The following UACA variants were observed in gnomAD, a reference collection of about 807,000 sequenced individuals.
UACA encodes nuclear membrane binding protein.
In UACA, 112 loss-of-function variants were observed where a neutral mutation model predicts 160.5. The observed-to-expected ratio is 0.70, with a 90% confidence interval of 0.60 to 0.82. The LOEUF (loss-of-function observed/expected upper bound fraction) is 0.82, where lower values mean the gene tolerates loss of function less well. UACA is among the 40% of genes least tolerant of loss of function. UACA has a pLI of 0.00. For synonymous variants in UACA, 557 were observed against 568.4 expected, an observed-to-expected ratio of 0.98 and a Z score of 0.29; for missense variants, 1,574 against 1,614.6, an observed-to-expected ratio of 0.97 and a Z score of 0.43.
intron 14 of UACA, 104 bp from the exon 15 acceptor site, chr15:70,671,195 G>A: frequency 2.5e-6 from 2 of 807,664 alleles, no homozygotes; most frequent in Non-Finnish European, 3.9e-6. Context: ...TAAAAGAGAA[G>A]CAAGAGGTAC....
chr15:70,762,136 T>A (rs1406737610), intron 1 of UACA, among the ~76,000 whole-genome samples: 1 of 152,188 alleles, frequency 6.6e-6, no homozygotes, highest in Non-Finnish European at 1.5e-5. Context: ...ATCAATTACG[T>A]CATCTGAATC....
chr15:70,715,263 A>G (rs1898791050), intron 1 of UACA, among the ~76,000 whole-genome samples: 1 of 152,146 alleles, frequency 6.6e-6, no homozygotes, highest in Non-Finnish European at 1.5e-5. Context: ...TTTAACAAAT[A>G]TTTTTGCCAA....
At chr15:70,751,105 C>G (rs1160317199) in intron 1 of UACA, among the ~76,000 whole-genome samples, 1 of 152,110 alleles carries the variant, frequency 6.6e-6, no homozygotes, top group Non-Finnish European at 1.5e-5. Context: ...TCAATGACTC[C>G]CCACTCTTCT....
chr15:70,693,539 G>C (rs1595892994), intron 3 of UACA, among the ~76,000 whole-genome samples: 1 of 151,944 alleles, frequency 6.6e-6, no homozygotes, highest in Non-Finnish European at 1.5e-5. Flanking sequence ...CAACTCTAGG[G>C]ACAAACATTA....
intron 17 of UACA, 82 bp downstream of exon 17, chr15:70,664,580 T>G (rs944014456): frequency 1.4e-4 from 201 of 1,487,700 alleles, no homozygotes; most frequent in Non-Finnish European, 1.8e-4. Context: ...ACAGAGCACT[T>G]TAATTTCTAA....
intron 1 of UACA, among the ~76,000 whole-genome samples, chr15:70,721,552 A>G (rs1029152212): frequency 8.6e-5 from 13 of 151,780 alleles, no homozygotes; most frequent in African/African-American, 2.9e-4. Context: ...GCGTGAACCC[A>G]GGAGGCAGAG....
chr15:70,683,721 T>C (rs1330709706), intron 8 of UACA, among the ~76,000 whole-genome samples: 1 of 152,068 alleles, frequency 6.6e-6, no homozygotes, highest in African/African-American at 2.4e-5. Context: ...AATTCAGATT[T>C]ACAGTGAATT....
At chr15:70,677,993 C>T in intron 11 of UACA, 106 bp downstream of exon 11, 1 of 784,238 alleles carries the variant, frequency 1.3e-6, no homozygotes, top group Non-Finnish European at 2.0e-6. Flanking sequence ...AGATTTAACT[C>T]CTCTGAAGTG....
At chr15:70,688,078 G>A (rs1035766820) in intron 5 of UACA, among the ~76,000 whole-genome samples, 3 of 152,048 alleles carry the variant, frequency 2.0e-5, no homozygotes, top group Admixed American at 6.6e-5. Context: ...CTATTCTAAG[G>A]ATAAGCACAG....
intron 1 of UACA, chr15:70,758,355 T>C (rs1335954206): frequency 5.3e-5 from 8 of 152,340 alleles, no homozygotes; most frequent in Admixed American, 2.0e-4. Context: ...GTTGTCTGAA[T>C]ACAGCTTTAA....
chr15:70,699,948 G>A (rs77950442), intron 1 of UACA, among the ~76,000 whole-genome samples: 1,531 of 152,032 alleles, frequency 0.01, 27 homozygotes, highest in African/African-American at 0.035. Context: ...GGCAAAAAAG[G>A]AAATCAATAA....
chr15:70,771,336 A>G, the UACA span, among the ~76,000 whole-genome samples: 193 of 152,356 alleles, frequency 1.3e-3, no homozygotes, highest in Non-Finnish European at 2.3e-3. Flanking sequence ...TGACAGTGAC[A>G]GCTTTGAAAC....
At chr15:70,748,186 A>G (rs576521802) in intron 1 of UACA, among the ~76,000 whole-genome samples, 6 of 152,308 alleles carry the variant, frequency 3.9e-5, no homozygotes, top group African/African-American at 1.4e-4. Flanking sequence ...ATGGCTTAAT[A>G]TTTAATTAAG....
At position 70,667,679 on chromosome 15, in the gene UACA, T is replaced by C. The variant is rs1896972988; in HGVS notation, c.3005A>G (p.Glu1002Gly). The C allele has an allele frequency of 6.2e-7, 1 of 1,613,772 alleles. No individual in the cohort carries two copies. Among genetic ancestry groups the C allele is most frequent in the Middle Eastern group, 1.7e-4 (1 of 6,056 alleles). ...TGATAACTGGTCTTTTAGTTCTTTC[T>C]CTGTTGCTTTAAATTTTCTCTCGCA... ...EECERKFKAT[E>G]KELKDQLSEQ... Residue 1002 changes from glutamate (E) to glycine (G), a missense_variant, in exon 16 of 19, where the codon GAG becomes GGG. Physicochemically the swap from Glu to Gly is moderately conservative, Grantham distance 98. Coordinates refer to ENST00000322954, the MANE Select transcript of UACA (RefSeq NM_018003.4).
chr15:70,664,597 C>CT, intron 17 of UACA, 65 bp downstream of exon 17: 1 of 1,520,250 alleles, frequency 6.6e-7, no homozygotes, highest in Non-Finnish European at 8.8e-7. Context: ...CTAAATGAGC[C>CT]TTACAAACTA....
chr15:70,727,986 A>G (rs1899197129), intron 1 of UACA, among the ~76,000 whole-genome samples: 1 of 152,244 alleles, frequency 6.6e-6, no homozygotes, highest in Non-Finnish European at 1.5e-5. Flanking sequence ...AACACTAACC[A>G]AACTAACCAA....
chr15:70,774,450 G>C, the UACA span, among the ~76,000 whole-genome samples: 1 of 151,654 alleles, frequency 6.6e-6, no homozygotes, highest in Non-Finnish European at 1.5e-5. Flanking sequence ...GGAGGCTGAG[G>C]CAGGAGAATG....
chr15:70,690,518 A>C lies in UACA; in HGVS notation c.367-7T>G, dbSNP rs1415689683. The C allele has an allele frequency of 8.7e-6, 14 of 1,608,982 alleles. No homozygotes were observed. The highest frequency in any genetic ancestry group is 1.2e-5 in the Non-Finnish European group (14 of 1,177,582). On this transcript the variant is annotated splice_region_variant and splice_polypyrimidine_tract_variant and intron_variant, in intron 4 of 18. Transcript: ENST00000322954. The stretch of plus-strand genomic sequence containing the variant: ...GCTCAGTGGGACAATTGTACTGTTA[A>C]AGTAAAGAAAACTTAGTAAAGTAGG...
In UACA at chr15:70,678,201, C is replaced by T. The variant is rs1162316349; in HGVS notation, c.897G>A (p.Leu299=). ...HQREHQNIQD[L]EIENEDLKER... Reference sequence around the variant, plus strand: ...CTTTCAAATCTTCATTTTCAATCTCCAAATCCTTAAATAATAAAGACAACA... The same window carrying T: ...CTTTCAAATCTTCATTTTCAATCTCTAAATCCTTAAATAATAAAGACAACA... The change falls in exon 11 of 19, where the codon TTG becomes TTA. Residue 299 remains leucine (L), a synonymous_variant. Transcript: ENST00000322954. 6.2e-7 allele frequency: 1 copy of T among 1,603,990 alleles called. No individual in the cohort carries two copies. Among genetic ancestry groups the T allele is most frequent in the South Asian group, 1.1e-5 (1 of 89,512 alleles).
Sources: gnomAD v4.1 joint callset for allele counts (sites outside exome capture counted in the v4.1 genomes callset) on GRCh38, gnomAD v4.1.1 for gene constraint, MANE v1.5 for transcripts, NCBI Gene and HGNC (gene_info 2026-07-23, HGNC 2026-07-21) for gene names.